Variants in HSPE1 observed in about 807,000 individuals in gnomAD.
The protein encoded by HSPE1 is 10 kDa heat shock protein, mitochondrial.
A neutral mutation model predicts 13.2 loss-of-function variants in HSPE1; 1 was observed. The observed-to-expected ratio is 0.08, with a 90% CI of 0.03 to 0.36. The LOEUF is 0.36. Ranked by LOEUF, HSPE1 falls within the 10% of genes least tolerant of loss-of-function variation. The probability of loss-of-function intolerance (pLI) is 0.99; values close to 1 mark genes in which losing one functional copy is unlikely to be tolerated. For missense variants in HSPE1, 73 were observed against 118.7 expected (o/e 0.62, Z 1.79); for synonymous variants, 44 against 42.0 (o/e 1.05, Z -0.19).
intron 2 of HSPE1, among the ~76,000 whole-genome samples, chr2:197,501,972 CATA>C (rs2086262241): frequency 6.6e-6 from 1 of 152,096 alleles, no homozygotes; most frequent in Non-Finnish European, 1.5e-5. Context: ...GTCTGGGCAA[CATA>C]ATGAGACCTC....
intron 1 of HSPE1, 44 bp from the exon 2 acceptor site, chr2:197,501,030 T>G: frequency 6.2e-7 from 1 of 1,602,248 alleles, no homozygotes; most frequent in East Asian, 2.2e-5. Context: ...GTTGATAATG[T>G]GATTACATTT....
At chr2:197,501,332 G>A (rs1409594520) in intron 2 of HSPE1, 94 bp downstream of exon 2, 20 of 1,355,388 alleles carry the variant, frequency 1.5e-5, no homozygotes, top group South Asian at 1.4e-4. Flanking sequence ...ATTAAGTAGA[G>A]TTTATGTCGT....
chr2:197,502,913 G>C, intron 2 of HSPE1, 126 bp from the exon 3 acceptor site: 1 of 638,554 alleles, frequency 1.6e-6, no homozygotes, highest in Non-Finnish European at 2.8e-6. Context: ...ACTTAGCCAC[G>C]AAATATATTT....
intron 2 of HSPE1, among the ~76,000 whole-genome samples, chr2:197,501,955 A>G (rs1381099513): frequency 1.3e-5 from 2 of 152,198 alleles, no homozygotes; most frequent in Non-Finnish European, 2.9e-5. Context: ...TCAGGAGTTC[A>G]AAATCAGTCT....
intron 2 of HSPE1, 186 bp downstream of exon 2, chr2:197,501,424 C>CA: frequency 1.5e-6 from 1 of 652,688 alleles, no homozygotes; most frequent in Non-Finnish European, 2.5e-6. Context: ...TTTATATGAC[C>CA]AATGCTATGA....
At chr2:197,500,496 G>A in intron 1 of HSPE1, 57 bp downstream of exon 1, 1 of 1,253,760 alleles carries the variant, frequency 8.0e-7, no homozygotes, top group Non-Finnish European at 1.1e-6. Context: ...GGCGTACGGG[G>A]ATCCCTGACG....
chr2:197,501,228 C>G lies in HSPE1; in HGVS notation c.158C>G (p.Ser53Cys). Residue 53 changes from serine to cysteine, a missense_variant, in exon 2 of 4, where the codon TCT becomes TGT. Coordinates refer to ENST00000233893, the MANE Select transcript of HSPE1 (RefSeq NM_002157.3). Reference protein sequence around the residue: ...QATVVAVGSGSKGKGGEIQPV... With the variant: ...QATVVAVGSGCKGKGGEIQPV... ...ACAGTAGTCGCTGTTGGATCGGGTT[C>G]TAAAGGAAAGGTAAATGGGAGCTGC... 1 of 1,611,466 alleles carries G rather than the reference C, an allele frequency of 6.2e-7. No homozygotes were observed. The highest frequency in any genetic ancestry group is 1.7e-5 in the Admixed American group (1 of 59,604).
intron 1 of HSPE1, 163 bp from the exon 2 acceptor site, chr2:197,500,911 G>A (rs2086244806): frequency 2.5e-6 from 2 of 816,184 alleles, no homozygotes; most frequent in Admixed American, 3.0e-5. Flanking sequence ...ATTAAACTTG[G>A]AATATTGGTT....
chr2:197,503,163 A>T, intron 3 of HSPE1, 35 bp downstream of exon 3: 2 of 1,576,028 alleles, frequency 1.3e-6, no homozygotes, highest in Non-Finnish European at 1.7e-6. Flanking sequence ...AAGAAGTCAG[A>T]TATTTGCAAT....
rs2305560 is a variant in HSPE1, at chr2:197,501,064, C to T, written c.4-10C>T. The stretch of plus-strand genomic sequence containing the variant: ...TTAGTTTTTGTTTCAAAACATTTCT[C>T]TTCCTACAGGCAGGACAAGCGTTTA... On this transcript the variant is annotated splice_polypyrimidine_tract_variant and intron_variant, in intron 1 of 3. Coordinates refer to ENST00000233893, the MANE Select transcript of HSPE1 (RefSeq NM_002157.3). 272,570 of 1,602,078 alleles carry T rather than the reference C, an allele frequency of 0.17. 24,327 individuals carry two copies. Among genetic ancestry groups the T allele is most frequent in the East Asian group, 0.23 (10,271 of 44,816 alleles).
At chr2:197,502,267 C>T (rs1175639698) in intron 2 of HSPE1, among the ~76,000 whole-genome samples, 1 of 152,196 alleles carries the variant, frequency 6.6e-6, no homozygotes, top group Non-Finnish European at 1.5e-5. Flanking sequence ...AGCTTACCAG[C>T]TACTGCTAAT....
Position 197,503,440 on chromosome 2 carries a change from A to G in HSPE1, c.*181A>G, listed in dbSNP as rs2086279317. 4.5e-6 allele frequency: 2 copies of G among 445,870 alleles called. No homozygotes were observed. The highest frequency in any genetic ancestry group is 1.1e-4 in the South Asian group (2 of 18,334). The allele number at this position is 445,870 out of a possible 1,614,324, so 27.6% of individuals were successfully genotyped here. On this transcript the variant is annotated 3_prime_UTR_variant, in exon 4 of 4. Transcript: ENST00000233893. Reference sequence around the variant, plus strand: ...GATATAAACACTTCCAAATAAAAATATGTAAATGAGTGGTTAATCTTTAGT... The same window carrying G: ...GATATAAACACTTCCAAATAAAAATGTGTAAATGAGTGGTTAATCTTTAGT...
In HSPE1 at chr2:197,503,356, T is replaced by G; in HGVS notation, c.*97T>G. The G allele has an allele frequency of 1.3e-6, 1 of 784,148 alleles. No homozygotes were observed. Among genetic ancestry groups the G allele is most frequent in the East Asian group, 2.6e-5 (1 of 39,194 alleles). The allele number at this position is 784,148 out of a possible 1,614,324, so 48.6% of individuals were successfully genotyped here. ...GTAAATAATTTCCATATTTCTCTTT[T>G]ATAATAAACTAATGATAACTAATGA... On this transcript the variant is annotated 3_prime_UTR_variant, in exon 4 of 4. Coordinates refer to ENST00000233893, the MANE Select transcript of HSPE1 (RefSeq NM_002157.3).
intron 1 of HSPE1, 156 bp from the exon 2 acceptor site, chr2:197,500,918 G>T: frequency 1.2e-6 from 1 of 851,408 alleles, no homozygotes; most frequent in South Asian, 1.9e-5. Context: ...TTGGAATATT[G>T]GTTAGTACAT....
rs2086277366 is a variant in HSPE1 at position 197,503,229 on chromosome 2, T to G, written c.279T>G (p.Asp93Glu). 2 of 1,608,946 alleles carry G rather than the reference T, an allele frequency of 1.2e-6. No homozygotes were observed. The highest frequency in any genetic ancestry group is 1.7e-6 in the Non-Finnish European group (2 of 1,176,768). ...LDDKDYFLFR[D>E]GDILGKYVD ...TGCAGGATTATTTCCTATTTAGAGA[T>G]GGTGACATTCTTGGAAAGTACGTAG... The change falls in exon 4 of 4, where the codon GAT (aspartate) becomes GAG (glutamate). Residue 93 changes from aspartate (D) to glutamate (E), a missense_variant. By Grantham distance (45) the Asp-to-Glu change is conservative. Coordinates refer to ENST00000233893, the MANE Select transcript of HSPE1 (RefSeq NM_002157.3).
chr2:197,503,327 T>C lies in HSPE1; in HGVS notation c.*68T>C. 1 of 980,972 alleles carries C rather than the reference T, an allele frequency of 1.0e-6. No individual in the cohort carries two copies. Among genetic ancestry groups the C allele is most frequent in the Admixed American group, 2.0e-5 (1 of 49,706 alleles). 60.8% of individuals were successfully genotyped at this position (980,972 alleles called of 1,614,324 possible). A position where few individuals can be genotyped will look rare whatever the true frequency, so the allele number is the denominator to read the frequency against. On this transcript the variant is annotated 3_prime_UTR_variant, in exon 4 of 4. Coordinates refer to ENST00000233893, the MANE Select transcript of HSPE1 (RefSeq NM_002157.3). ...TCCACTGAAGTTCTGAAATCTTTCG[T>C]CATGTAAATAATTTCCATATTTCTC...
intron 2 of HSPE1, 117 bp from the exon 3 acceptor site, chr2:197,502,922 T>G: frequency 1.5e-6 from 1 of 659,276 alleles, no homozygotes; most frequent in South Asian, 1.9e-5. Context: ...CGAAATATAT[T>G]TTTAATATAA....
Position 197,503,290 on chromosome 2 carries a change from G to C in HSPE1, c.*31G>C. 2 of 1,414,822 alleles carry C rather than the reference G, an allele frequency of 1.4e-6. No homozygotes were observed. Among genetic ancestry groups the C allele is most frequent in the Non-Finnish European group, 2.0e-6 (2 of 1,011,252 alleles). 87.6% of individuals were successfully genotyped at this position (1,414,822 alleles called of 1,614,324 possible). The stretch of plus-strand genomic sequence containing the variant: ...GTCACTATTGAAATGGCATCAACAT[G>C]ATGCTGCCCATTCCACTGAAGTTCT... On this transcript the variant is annotated 3_prime_UTR_variant, in exon 4 of 4. Coordinates refer to ENST00000233893, the MANE Select transcript of HSPE1 (RefSeq NM_002157.3).
chr2:197,501,181 T>C lies in HSPE1; in HGVS notation c.111T>C (p.Ser37=), dbSNP rs185690747. 7.4e-6 allele frequency: 12 copies of C among 1,614,082 alleles called. No homozygotes were observed. The African/African-American group carries it at 1.3e-4, about 18-fold the overall frequency. The change falls in exon 2 of 4, where the codon TCT becomes TCC. Residue 37 remains serine, a synonymous_variant. Coordinates refer to ENST00000233893, the MANE Select transcript of HSPE1 (RefSeq NM_002157.3). The part of the protein sequence containing the change: ...TKGGIMLPEK[S]QGKVLQATVV... ...GAGGCATTATGCTTCCAGAAAAATC[T>C]CAAGGAAAAGTATTGCAAGCAACAG...
Sources: gnomAD v4.1 joint callset for allele counts (sites outside exome capture counted in the v4.1 genomes callset) on GRCh38, gnomAD v4.1.1 for gene constraint, MANE v1.5 for transcripts, NCBI Gene and HGNC (gene_info 2026-07-23, HGNC 2026-07-21) for gene names.